Variants in NR3C2 observed in about 807,000 individuals in gnomAD.
NR3C2 encodes the protein nuclear receptor subfamily 3 group C member 2.
In NR3C2, 15 loss-of-function variants were observed where a neutral mutation model predicts 86.4. That is an observed-to-expected ratio of 0.17 (90% CI 0.12 to 0.27). NR3C2 has a LOEUF of 0.27. Among genes scored for constraint, NR3C2 ranks in the 10% least tolerant of loss-of-function variants. NR3C2 has a pLI of 1.00. For synonymous variants in NR3C2, 458 were observed against 450.5 expected (o/e 1.02, Z -0.21); for missense variants, 960 against 1,195.6 (o/e 0.80, Z 2.91).
rs1554002221 is a variant in NR3C2, at chr4:148,261,282, A to AGCGCTACGGT, written c.1758-1166_1758-1165insACCGTAGCGC. Among the ~76,000 whole-genome samples the AGCGCTACGGT allele has an allele frequency of 2.2e-3, 250 of 114,494 alleles. 3 individuals are homozygous for AGCGCTACGGT. Among genetic ancestry groups the AGCGCTACGGT allele is most frequent in the Admixed American group, 4.6e-3 (52 of 11,340 alleles). 75.1% of individuals were successfully genotyped at this position (114,494 alleles called of 152,430 possible). A position where few individuals can be genotyped will look rare whatever the true frequency, so the allele number is the denominator to read the frequency against. Reference sequence around the variant, plus strand: ...GTCAGCGCTATGGTGCACTATGGTAAGCGCTATGGTAAGTGCTATGGTGCG... The same window carrying AGCGCTACGGT: ...GTCAGCGCTATGGTGCACTATGGTAAGCGCTACGGTGCGCTATGGTAAGTGCTATGGTGCG... On this transcript the variant is annotated intron_variant, in intron 2 of 8. Transcript: ENST00000358102.
At chr4:148,250,256 A>C (rs1739514062) in intron 3 of NR3C2, among the ~76,000 whole-genome samples, 1 of 152,232 alleles carries the variant, frequency 6.6e-6, no homozygotes, top group Non-Finnish European at 1.5e-5. Context: ...ATGTCTTTAA[A>C]GAGCAAAATA....
intron 2 of NR3C2, among the ~76,000 whole-genome samples, chr4:148,269,412 T>C (rs1740559824): frequency 6.6e-6 from 1 of 152,132 alleles, no homozygotes; most frequent in Non-Finnish European, 1.5e-5. Context: ...GTAAACTATA[T>C]TAAAGTAAAA....
intron 2 of NR3C2, 56 bp from the exon 3 acceptor site, chr4:148,260,173 C>T: frequency 6.2e-7 from 1 of 1,606,912 alleles, no homozygotes; most frequent in African/African-American, 1.3e-5. Context: ...ATTTAACATG[C>T]TGCACAGCTT....
chr4:148,121,994 C>CGTCACCTGCTT (rs1553987275), intron 6 of NR3C2, among the ~76,000 whole-genome samples: 1 of 151,424 alleles, frequency 6.6e-6, no homozygotes, highest in Non-Finnish European at 1.5e-5. Context: ...TAGATTTGCA[C>CGTCACCTGCTT]ATGTCACCTG....
At chr4:148,421,749 TAAC>T (rs963173857) in intron 2 of NR3C2, among the ~76,000 whole-genome samples, 8 of 152,160 alleles carry the variant, frequency 5.3e-5, no homozygotes, top group African/African-American at 1.9e-4. Context: ...GGCAAGAATT[TAAC>T]TTTTTAAAAA....
chr4:148,081,663 A>T (rs1157221989), intron 8 of NR3C2, among the ~76,000 whole-genome samples, 164 bp from the exon 9 acceptor site: 1 of 152,184 alleles, frequency 6.6e-6, no homozygotes, highest in Admixed American at 6.5e-5. Flanking sequence ...GGAGAGGAAG[A>T]AGGGTGCTCA....
intron 3 of NR3C2, among the ~76,000 whole-genome samples, chr4:148,213,667 C>T (rs1737390963): frequency 6.6e-6 from 1 of 152,204 alleles, no homozygotes; most frequent in Admixed American, 6.5e-5. Flanking sequence ...TAAAAACACT[C>T]TAAATTATTT....
intron 3 of NR3C2, among the ~76,000 whole-genome samples, chr4:148,205,848 G>C (rs1736976236): frequency 6.6e-6 from 1 of 152,140 alleles, no homozygotes; most frequent in Non-Finnish European, 1.5e-5. Context: ...AAGGGAATTA[G>C]AAAGTCTTCC....
At position 148,081,073 on chromosome 4, in the gene NR3C2, C is replaced by CTAGA; in HGVS notation, c.*267_*270dup. 2.1e-6 allele frequency: 1 copy of CTAGA among 479,786 alleles called. No individual in the cohort carries two copies. The highest frequency in any genetic ancestry group is 3.8e-6 in the Non-Finnish European group (1 of 260,952). 29.7% of individuals were successfully genotyped at this position (479,786 alleles called of 1,614,324 possible). A position where few individuals can be genotyped will look rare whatever the true frequency, so the allele number is the denominator to read the frequency against. On this transcript the variant is annotated 3_prime_UTR_variant, in exon 9 of 9. Coordinates refer to ENST00000358102, the MANE Select transcript of NR3C2 (RefSeq NM_000901.5). ...AAAATATCAAAATCAGAGTTATTGA[C>CTAGA]TAGATATGGCTTTTCATCCCGAGGA...
chr4:148,374,629 A>G (rs1746584017), intron 2 of NR3C2, among the ~76,000 whole-genome samples: 1 of 152,244 alleles, frequency 6.6e-6, no homozygotes, highest in East Asian at 1.9e-4. Flanking sequence ...CCTCAGTATA[A>G]TAACCTAAAT....
At chr4:148,432,411 A>T (rs1436469012) in intron 2 of NR3C2, among the ~76,000 whole-genome samples, 1 of 152,188 alleles carries the variant, frequency 6.6e-6, no homozygotes, top group Non-Finnish European at 1.5e-5. Flanking sequence ...CTGAAACAAC[A>T]TCAGTGAAAT....
At chr4:148,146,223 G>T (rs1053228860) in intron 6 of NR3C2, among the ~76,000 whole-genome samples, 1 of 152,108 alleles carries the variant, frequency 6.6e-6, no homozygotes, top group African/African-American at 2.4e-5. Context: ...CCCTGATGGG[G>T]TGAGGAGGGT....
chr4:148,200,965 T>C (rs781365258), intron 3 of NR3C2: 1 of 151,908 alleles, frequency 6.6e-6, no homozygotes, highest in East Asian at 1.9e-4. Context: ...CATCAATAGG[T>C]TAAAAAAAGA....
intron 2 of NR3C2, among the ~76,000 whole-genome samples, chr4:148,425,742 G>A (rs915906643): frequency 3.3e-5 from 5 of 152,160 alleles, no homozygotes; most frequent in Non-Finnish European, 7.4e-5. Flanking sequence ...TCTGATTTAC[G>A]TTTTTAAAAG....
intron 2 of NR3C2, among the ~76,000 whole-genome samples, chr4:148,428,599 T>C (rs1749658684): frequency 6.6e-6 from 1 of 152,240 alleles, no homozygotes; most frequent in South Asian, 2.1e-4. Flanking sequence ...ATGTCCTTGA[T>C]GCTAGGAGTT....
intron 2 of NR3C2, among the ~76,000 whole-genome samples, chr4:148,331,268 C>G (rs1744222063): frequency 2.1e-5 from 3 of 141,854 alleles, no homozygotes; most frequent in African/African-American, 2.8e-5. Context: ...AAGAAAAAAG[C>G]AGCAGGTGGG....
At chr4:148,301,578 C>T (rs1265384672) in intron 2 of NR3C2, among the ~76,000 whole-genome samples, 1 of 152,114 alleles carries the variant, frequency 6.6e-6, no homozygotes, top group Non-Finnish European at 1.5e-5. Context: ...AAAAGCACAA[C>T]AAGTTTCTCT....
intron 2 of NR3C2, among the ~76,000 whole-genome samples, chr4:148,266,176 G>A (rs1286833062): frequency 2.0e-5 from 3 of 150,860 alleles, no homozygotes; most frequent in African/African-American, 7.3e-5. Flanking sequence ...GGGTTCAAGC[G>A]ATTCTCCTGC....
chr4:148,145,061 G>A (rs1358157630), intron 6 of NR3C2, among the ~76,000 whole-genome samples: 3 of 152,152 alleles, frequency 2.0e-5, no homozygotes, highest in Non-Finnish European at 4.4e-5. Flanking sequence ...AATAATAACT[G>A]GTGTCAGCCA....
Sources: allele counts gnomAD v4.1 joint callset (sites outside exome capture counted in the v4.1 genomes callset), GRCh38; gene constraint gnomAD v4.1.1; transcripts MANE v1.5; gene names NCBI Gene and HGNC (gene_info 2026-07-23, HGNC 2026-07-21).